Variants in CNTN5 observed in about 807,000 individuals in gnomAD.
CNTN5 encodes contactin 5.
CNTN5 carries 77 observed loss-of-function variants against 129.1 expected under a neutral mutation model. The ratio of observed to expected loss-of-function variants is 0.60; its 90% CI spans 0.50 to 0.72. The LOEUF is 0.72. Ranked by LOEUF, CNTN5 falls within the 30% of genes least tolerant of loss-of-function variation. The probability of loss-of-function intolerance (pLI) is 0.00; values close to 1 mark genes in which losing one functional copy is unlikely to be tolerated. For synonymous variants in CNTN5, 509 were observed against 465.6 expected (o/e 1.09, Z -1.20); for missense variants, 1,478 against 1,328.8 (o/e 1.11, Z -1.75).
At chr11:99,226,205 T>A (rs1242678438) in intron 1 of CNTN5, among the ~76,000 whole-genome samples, 1 of 152,164 alleles carries the variant, frequency 6.6e-6, no homozygotes, top group African/African-American at 2.4e-5. Context: ...TTACAGTTAA[T>A]CTATGAAAGA....
At chr11:99,160,317 A>T (rs922718197) in intron 1 of CNTN5, among the ~76,000 whole-genome samples, 2 of 152,210 alleles carry the variant, frequency 1.3e-5, no homozygotes, top group Non-Finnish European at 2.9e-5. Context: ...TTCCTGAAGT[A>T]TGTGCAATAT....
intron 1 of CNTN5, among the ~76,000 whole-genome samples, chr11:99,320,765 T>A (rs1865535051): frequency 6.6e-6 from 1 of 152,184 alleles, no homozygotes; most frequent in Admixed American, 6.5e-5. Flanking sequence ...TAAGACAGTG[T>A]GATGGCTAAT....
intron 1 of CNTN5, among the ~76,000 whole-genome samples, chr11:99,022,607 G>C (rs1180172798): frequency 6.6e-6 from 1 of 151,748 alleles, no homozygotes; most frequent in Non-Finnish European, 1.5e-5. Context: ...GTATGAGTAA[G>C]AATATGTCAT....
At chr11:100,222,066 G>A (rs1042500627) in intron 15 of CNTN5, among the ~76,000 whole-genome samples, 2 of 152,056 alleles carry the variant, frequency 1.3e-5, no homozygotes, top group Non-Finnish European at 2.9e-5. Context: ...CTACTGAAAG[G>A]GTAATTTAGG....
intron 8 of CNTN5, among the ~76,000 whole-genome samples, chr11:99,990,417 A>C: frequency 2.7e-5 from 4 of 147,714 alleles, no homozygotes; most frequent in African/African-American, 1.0e-4. Context: ...TTTTAGAATA[A>C]ATTTATTGGC....
intron 3 of CNTN5, among the ~76,000 whole-genome samples, chr11:99,758,335 G>A (rs932667480): frequency 7.9e-5 from 12 of 152,010 alleles, no homozygotes; most frequent in African/African-American, 2.9e-4. Flanking sequence ...AAAAACAGAA[G>A]TATTATATGA....
intron 2 of CNTN5, among the ~76,000 whole-genome samples, chr11:99,401,730 G>A (rs6421593): frequency 0.62 from 94,295 of 151,906 alleles, 30,579 homozygotes; most frequent in East Asian, 0.84. Flanking sequence ...CTATATTTCC[G>A]TTGTGGGGTG....
chr11:99,938,297 A>C (rs759978637), intron 7 of CNTN5, among the ~76,000 whole-genome samples: 2 of 152,140 alleles, frequency 1.3e-5, no homozygotes, highest in Non-Finnish European at 2.9e-5. Context: ...AATTTCATCA[A>C]TCCTTCGTTT....
intron 6 of CNTN5, among the ~76,000 whole-genome samples, chr11:99,854,803 T>A (rs1947981797): frequency 6.6e-6 from 1 of 151,992 alleles, no homozygotes; most frequent in African/African-American, 2.4e-5. Flanking sequence ...ACCATGGAAA[T>A]GTTTCACCAA....
rs559774482 is a variant in CNTN5, at chr11:100,132,290, C to G, written c.1580+57996C>G. 2.0e-5 allele frequency among the ~76,000 whole-genome samples: 3 copies of G among 152,088 alleles called. No individual in the cohort carries two copies. The South Asian group carries it at 6.2e-4, about 32-fold the overall frequency. On this transcript the variant is annotated intron_variant, in intron 13 of 24. Transcript: ENST00000524871. Reference sequence around the variant, plus strand: ...GTTTCCTCACTTTTAAAAGTAGACACTCAATATAATGATTATGAAAATTAA... The same window carrying G: ...GTTTCCTCACTTTTAAAAGTAGACAGTCAATATAATGATTATGAAAATTAA...
intron 1 of CNTN5, among the ~76,000 whole-genome samples, chr11:99,080,071 T>G (rs1037433991): frequency 3.3e-5 from 5 of 152,172 alleles, no homozygotes; most frequent in African/African-American, 1.2e-4. Flanking sequence ...GTGAATAATT[T>G]TATTATAAAA....
intron 2 of CNTN5, among the ~76,000 whole-genome samples, chr11:99,512,794 C>A (rs1200923795): frequency 6.6e-6 from 1 of 152,226 alleles, no homozygotes; most frequent in Admixed American, 6.5e-5. Context: ...CATCAACCAA[C>A]CATTACATCA....
At chr11:99,370,621 C>T (rs1939765466) in intron 2 of CNTN5, among the ~76,000 whole-genome samples, 1 of 152,152 alleles carries the variant, frequency 6.6e-6, no homozygotes, top group East Asian at 1.9e-4. Flanking sequence ...CTAATTGTCA[C>T]ATCTAATTAT....
At chr11:100,084,104 T>C (rs1317453876) in intron 13 of CNTN5, among the ~76,000 whole-genome samples, 1 of 152,164 alleles carries the variant, frequency 6.6e-6, no homozygotes, top group Non-Finnish European at 1.5e-5. Context: ...TTATGAATTC[T>C]ACTTCTAACC....
chr11:99,244,967 A>C (rs1861743719), intron 1 of CNTN5, among the ~76,000 whole-genome samples: 1 of 152,210 alleles, frequency 6.6e-6, no homozygotes, highest in Non-Finnish European at 1.5e-5. Context: ...TTAATTGTGA[A>C]TCTGAAATTA....
chr11:100,195,969 T>A (rs2138525547), intron 15 of CNTN5, among the ~76,000 whole-genome samples: 1 of 152,066 alleles, frequency 6.6e-6, no homozygotes, highest in South Asian at 2.1e-4. Flanking sequence ...GGCTTGTGGA[T>A]ACCTTCTTTC....
rs79977119 is a variant in CNTN5, at chr11:100,325,367, G to A, written c.2731-15096G>A. ...TGTTAGAAATGACAGTAAATTGAAC[G>A]AAAGCATGTAAAACCAACTTTCCTT... On this transcript the variant is annotated intron_variant, in intron 21 of 24. Transcript: ENST00000524871. Among the ~76,000 whole-genome samples, 47 of 152,168 alleles carry A rather than the reference G, an allele frequency of 3.1e-4. No homozygotes were observed. The East Asian group carries it at 7.2e-3, about 23-fold the overall frequency.
intron 3 of CNTN5, among the ~76,000 whole-genome samples, chr11:99,663,559 C>T (rs1347630103): frequency 6.6e-6 from 1 of 152,146 alleles, no homozygotes; most frequent in Non-Finnish European, 1.5e-5. Context: ...TTTGTGTCCC[C>T]ATCCGAACCT....
chr11:100,262,674 G>T lies in CNTN5; in HGVS notation c.2164+6756G>T, dbSNP rs187170282. Reference sequence around the variant, plus strand: ...ATGAAGCTGGAAACCATCATTCTCAGCAAACTAACACAGGAACAGAAACCA... The same window carrying T: ...ATGAAGCTGGAAACCATCATTCTCATCAAACTAACACAGGAACAGAAACCA... On this transcript the variant is annotated intron_variant, in intron 17 of 24. Transcript: ENST00000524871. Among the ~76,000 whole-genome samples the T allele has an allele frequency of 6.2e-4, 95 of 152,234 alleles. 1 individual carries two copies. Among genetic ancestry groups the T allele is most frequent in the Middle Eastern group, 3.4e-3 (1 of 294 alleles).
Sources: gnomAD v4.1 joint callset for allele counts (sites outside exome capture counted in the v4.1 genomes callset) on GRCh38, gnomAD v4.1.1 for gene constraint, MANE v1.5 for transcripts, NCBI Gene and HGNC (gene_info 2026-07-23, HGNC 2026-07-21) for gene names.